The following UPF2 variants were observed in gnomAD, a reference collection of about 807,000 sequenced individuals.
UPF2 encodes UPF2 regulator of nonsense mediated mRNA decay.
In UPF2, 17 loss-of-function variants were observed where a neutral mutation model predicts 141.4. The ratio of observed to expected loss-of-function variants is 0.12; its 90% CI spans 0.08 to 0.18. UPF2 has a LOEUF of 0.18. Among genes scored for constraint, UPF2 ranks in the 10% least tolerant of loss-of-function variants. UPF2 has a pLI of 1.00. For missense variants in UPF2, 1,152 were observed against 1,515.9 expected (o/e 0.76, Z 3.99); for synonymous variants, 540 against 498.0 (o/e 1.08, Z -1.12).
At chr10:12,037,953 T>C (rs1265952772) in intron 1 of UPF2, among the ~76,000 whole-genome samples, 1 of 152,168 alleles carries the variant, frequency 6.6e-6, no homozygotes, top group Non-Finnish European at 1.5e-5. Flanking sequence ...TCCTTCTCCT[T>C]TTTCTTTTAC....
chr10:11,968,016 T>C, intron 9 of UPF2, among the ~76,000 whole-genome samples: 1 of 152,026 alleles, frequency 6.6e-6, no homozygotes, highest in Non-Finnish European at 1.5e-5. Flanking sequence ...CTGTCTCTAC[T>C]AAAAACACAA....
At chr10:12,020,528 T>C (rs1157890527) in intron 3 of UPF2, among the ~76,000 whole-genome samples, 1 of 152,194 alleles carries the variant, frequency 6.6e-6, no homozygotes, top group Non-Finnish European at 1.5e-5. Context: ...GTTTAAGAAG[T>C]TTAACATAAA....
chr10:11,925,194 C>A (rs1832696693), intron 21 of UPF2, among the ~76,000 whole-genome samples: 2 of 152,174 alleles, frequency 1.3e-5, no homozygotes, highest in Non-Finnish European at 2.9e-5. Context: ...CATGTTTGTT[C>A]ATCTACCATG....
At chr10:11,946,304 AC>A (rs1429189424) in intron 16 of UPF2, among the ~76,000 whole-genome samples, 1 of 152,206 alleles carries the variant, frequency 6.6e-6, no homozygotes, top group Admixed American at 6.5e-5. Context: ...TTTACATCTG[AC>A]CGTAGAAAAC....
At chr10:11,942,290 T>C (rs1832945689) in intron 18 of UPF2, among the ~76,000 whole-genome samples, 1 of 152,120 alleles carries the variant, frequency 6.6e-6, no homozygotes, top group Non-Finnish European at 1.5e-5. Flanking sequence ...CAAGAACTGC[T>C]TGAACCCAGG....
intron 8 of UPF2, among the ~76,000 whole-genome samples, chr10:11,982,703 C>T (rs1407598015): frequency 1.3e-5 from 2 of 151,984 alleles, no homozygotes; most frequent in Non-Finnish European, 2.9e-5. Context: ...CTTGGATCAC[C>T]ACGACCTCCG....
In UPF2 at chr10:11,935,043, C is replaced by T. The variant is rs898956561; in HGVS notation, c.3546+1502G>A. On this transcript the variant is annotated intron_variant, in intron 19 of 21. Coordinates refer to ENST00000357604, the MANE Select transcript of UPF2 (RefSeq NM_015542.4). The surrounding 1 kb of genome is among the most constrained non-coding windows in gnomAD (Gnocchi z 4.9). ...GATCTCGGTGTACATGAGAAGTTGC[C>T]TGACAAATGCAGGGATAAAATTTAG... is the stretch of plus-strand genomic sequence containing the variant. Among the ~76,000 whole-genome samples, 1 of 151,844 alleles carries T rather than the reference C, an allele frequency of 6.6e-6. No homozygotes were observed. Among genetic ancestry groups the T allele is most frequent in the African/African-American group, 2.4e-5 (1 of 41,308 alleles).
intron 4 of UPF2, among the ~76,000 whole-genome samples, chr10:12,006,117 G>A (rs1346262534): frequency 7.0e-6 from 1 of 142,982 alleles, no homozygotes. Flanking sequence ...TAAGTTCAGG[G>A]GATCCACCTG....
At position 11,920,538 on chromosome 10, in the gene UPF2, C is replaced by CTAGA. The variant is rs1832628249; in HGVS notation, c.*756_*759dup. The CTAGA allele has an allele frequency of 6.4e-6, 1 of 156,348 alleles. No individual in the cohort carries two copies. The highest frequency in any genetic ancestry group is 2.4e-5 in the African/African-American group (1 of 41,462). 9.7% of individuals were successfully genotyped at this position (156,348 alleles called of 1,614,324 possible). On this transcript the variant is annotated 3_prime_UTR_variant, in exon 22 of 22. Coordinates refer to ENST00000357604, the MANE Select transcript of UPF2 (RefSeq NM_015542.4). ...TCAATGATACTTACAATGGGCTCAC[C>CTAGA]TAGATCCCTGTTCTTGGGCTGGTAT...
chr10:12,024,400 A>G (rs1780626560), intron 3 of UPF2, among the ~76,000 whole-genome samples: 3 of 152,298 alleles, frequency 2.0e-5, no homozygotes, highest in South Asian at 2.1e-4. Context: ...ATCTGAGGTC[A>G]GGAGTTCGAG....
chr10:11,942,971 A>T, intron 17 of UPF2, 93 bp downstream of exon 17: 1 of 965,550 alleles, frequency 1.0e-6, no homozygotes, highest in Non-Finnish European at 1.5e-6. Flanking sequence ...ATTTTTCATA[A>T]TCAAAAGAAA....
intron 9 of UPF2, among the ~76,000 whole-genome samples, chr10:11,976,735 G>A (rs1833511457): frequency 6.6e-6 from 1 of 152,130 alleles, no homozygotes; most frequent in African/African-American, 2.4e-5. Flanking sequence ...AAGAAACTCA[G>A]CTAGGAAAAA....
At chr10:11,997,056 C>CA (rs1159392813) in intron 8 of UPF2, among the ~76,000 whole-genome samples, 2 of 152,172 alleles carry the variant, frequency 1.3e-5, no homozygotes. Flanking sequence ...CTAAGGTCAA[C>CA]AGTCTATGAG....
In UPF2 at chr10:11,930,088, C is replaced by G. The variant is rs1450485540; in HGVS notation, c.3689-103G>C. On this transcript the variant is annotated intron_variant, in intron 20 of 21. Transcript: ENST00000357604. The stretch of plus-strand genomic sequence containing the variant: ...GGGAGATTAAGTTTATTAGTCCTGT[C>G]AGGGAGCTGACTAAAGAAAAATAGC... 5 of 1,522,438 alleles carry G rather than the reference C, an allele frequency of 3.3e-6. No homozygotes were observed. The African/African-American group carries it at 5.5e-5, about 17-fold the overall frequency. The allele number at this position is 1,522,438 out of a possible 1,614,324, so 94.3% of individuals were successfully genotyped here.
chr10:11,964,891 G>A (rs893756538), intron 10 of UPF2, among the ~76,000 whole-genome samples: 2 of 152,036 alleles, frequency 1.3e-5, no homozygotes, highest in Non-Finnish European at 2.9e-5. Flanking sequence ...CCTGAGGATG[G>A]GACCCAAATC....
chr10:11,936,474 G>T lies in UPF2; in HGVS notation c.3546+71C>A. On this transcript the variant is annotated intron_variant, in intron 19 of 21. Transcript: ENST00000357604. This position sits in a 1 kb window ranked among gnomAD's most constrained non-coding sequence, Gnocchi z 6.6. ...CTGTCCAACCCTTATCCCCTTGTAG[G>T]TCAAAGATAAGTTAAAACCTAACTG... 1 of 1,468,292 alleles carries T rather than the reference G, an allele frequency of 6.8e-7. No individual in the cohort carries two copies. The highest frequency in any genetic ancestry group is 9.1e-7 in the Non-Finnish European group (1 of 1,097,630). 91.0% of individuals were successfully genotyped at this position (1,468,292 alleles called of 1,614,324 possible).
At chr10:11,974,269 G>T (rs1833468170) in intron 9 of UPF2, among the ~76,000 whole-genome samples, 1 of 152,160 alleles carries the variant, frequency 6.6e-6, no homozygotes, top group African/African-American at 2.4e-5. Flanking sequence ...AGCTTAAGGA[G>T]ATTTTGGGCT....
intron 1 of UPF2, among the ~76,000 whole-genome samples, chr10:12,038,012 G>A (rs1402670029): frequency 1.3e-5 from 2 of 151,884 alleles, no homozygotes; most frequent in Non-Finnish European, 2.9e-5. Flanking sequence ...TTTTGACAGT[G>A]ACACCTAATA....
intron 3 of UPF2, among the ~76,000 whole-genome samples, chr10:12,017,355 C>A (rs1834240840): frequency 6.6e-6 from 1 of 152,190 alleles, no homozygotes; most frequent in Non-Finnish European, 1.5e-5. Context: ...ACATAATAAT[C>A]ACACTAAGGA....
Sources: allele counts gnomAD v4.1 joint callset (sites outside exome capture counted in the v4.1 genomes callset), GRCh38; gene constraint gnomAD v4.1.1; non-coding constraint Gnocchi (gnomAD v3.1); transcripts MANE v1.5; gene names NCBI Gene and HGNC (gene_info 2026-07-23, HGNC 2026-07-21).